PDE6C: variants seen among roughly 807,000 people sequenced by gnomAD.
PDE6C encodes the protein cone cGMP-specific 3',5'-cyclic phosphodiesterase subunit alpha'.
In PDE6C, 75 loss-of-function variants were observed where a neutral mutation model predicts 113.1. That is an observed-to-expected ratio of 0.66 (90% CI 0.55 to 0.80). The LOEUF (loss-of-function observed/expected upper bound fraction) is 0.80. Ranked by LOEUF, PDE6C falls within the 30% of genes least tolerant of loss-of-function variation. The probability of loss-of-function intolerance (pLI) is 0.00; values close to 1 mark genes in which losing one functional copy is unlikely to be tolerated. For missense variants in PDE6C, 912 were observed against 1,038.6 expected, an observed-to-expected ratio of 0.88 and a Z score of 1.67; for synonymous variants, 375 against 363.7, an observed-to-expected ratio of 1.03 and a Z score of -0.35.
At chr10:93,626,523 TA>T in intron 5 of PDE6C, 116 bp from the exon 6 acceptor site, 1 of 670,736 alleles carries the variant, frequency 1.5e-6, no homozygotes, top group Admixed American at 2.5e-5. Flanking sequence ...TGTTATAATA[TA>T]ATGTGGTTGG....
chr10:93,616,545 G>T (rs990871667), intron 1 of PDE6C, among the ~76,000 whole-genome samples: 1 of 152,092 alleles, frequency 6.6e-6, no homozygotes, highest in African/African-American at 2.4e-5. Context: ...AATGATAGCT[G>T]TGATAATATT....
intron 1 of PDE6C, among the ~76,000 whole-genome samples, chr10:93,616,773 C>T (rs957884542): frequency 6.6e-6 from 1 of 151,548 alleles, no homozygotes; most frequent in Non-Finnish European, 1.5e-5. Context: ...CCTGCCTCAG[C>T]CTCCCCAGTA....
chr10:93,643,727 G>C (rs557911282), intron 14 of PDE6C, among the ~76,000 whole-genome samples: 27 of 147,550 alleles, frequency 1.8e-4, no homozygotes, highest in Admixed American at 6.1e-4. Context: ...TAAATCATTT[G>C]TGAGTCAGCT....
intron 16 of PDE6C, among the ~76,000 whole-genome samples, chr10:93,657,328 A>ATTTTTTTTTT (rs71031526): frequency 6.8e-5 from 6 of 88,286 alleles, no homozygotes; most frequent in Non-Finnish European, 1.0e-4. Context: ...CGCCTGGCTA[A>ATTTTTTTTTT]TTTTTTTTTT....
chr10:93,614,432 G>T (rs568092886), intron 1 of PDE6C, among the ~76,000 whole-genome samples: 66 of 152,262 alleles, frequency 4.3e-4, no homozygotes, highest in Non-Finnish European at 7.2e-4. Context: ...TTTAAGCTGG[G>T]TTAAGTTTGC....
chr10:93,618,887 C>A (rs190797946), intron 1 of PDE6C, among the ~76,000 whole-genome samples: 3 of 152,246 alleles, frequency 2.0e-5, no homozygotes, highest in East Asian at 1.9e-4. Flanking sequence ...CTACGGGAAA[C>A]CAGACAGAAT....
At chr10:93,662,488 A>G (rs10882298) in intron 19 of PDE6C, 72 bp from the exon 20 acceptor site, 285,285 of 615,888 alleles carry the variant, frequency 0.46, 70,109 homozygotes, top group Non-Finnish European at 0.51. Flanking sequence ...AAAAAAAGTT[A>G]TCAGGACAAA....
chr10:93,657,587 T>C (rs547191005), intron 16 of PDE6C, among the ~76,000 whole-genome samples: 164 of 152,170 alleles, frequency 1.1e-3, no homozygotes, highest in Non-Finnish European at 2.1e-3. Flanking sequence ...AGATTTATCA[T>C]TGATAATAAA....
chr10:93,637,937 G>A (rs1012762768), intron 11 of PDE6C, among the ~76,000 whole-genome samples: 1 of 152,106 alleles, frequency 6.6e-6, no homozygotes, highest in African/African-American at 2.4e-5. Context: ...AAGAGCATTA[G>A]AGTTTCTTCT....
At chr10:93,649,845 T>C (rs1246384480) in intron 15 of PDE6C, among the ~76,000 whole-genome samples, 1 of 152,186 alleles carries the variant, frequency 6.6e-6, no homozygotes, top group Non-Finnish European at 1.5e-5. Flanking sequence ...CCTCAGGTGA[T>C]CCACCCACCT....
chr10:93,618,332 A>G (rs966045714), intron 1 of PDE6C, among the ~76,000 whole-genome samples: 3 of 152,000 alleles, frequency 2.0e-5, no homozygotes, highest in African/African-American at 7.3e-5. Flanking sequence ...TTCTATCTTC[A>G]CATCAGGAAT....
chr10:93,633,822 A>T (rs2058514786), intron 8 of PDE6C, among the ~76,000 whole-genome samples: 1 of 152,244 alleles, frequency 6.6e-6, no homozygotes, highest in Non-Finnish European at 1.5e-5. Context: ...TGTAAAGGGA[A>T]CAGTGAGGTA....
intron 15 of PDE6C, among the ~76,000 whole-genome samples, chr10:93,652,033 G>A (rs1415542909): frequency 2.0e-5 from 3 of 152,084 alleles, no homozygotes; most frequent in Non-Finnish European, 4.4e-5. Context: ...GTGTGTGTGT[G>A]TGCCTGTGTG....
At chr10:93,658,815 C>T (rs564645684) in intron 16 of PDE6C, 86 bp from the exon 17 acceptor site, 17 of 816,764 alleles carry the variant, frequency 2.1e-5, no homozygotes, top group South Asian at 8.6e-5. Flanking sequence ...AAAGTGGGAA[C>T]GTGAAATCTG....
chr10:93,639,684 G>A (rs187596416), intron 11 of PDE6C, among the ~76,000 whole-genome samples: 30 of 152,280 alleles, frequency 2.0e-4, no homozygotes, highest in Non-Finnish European at 3.5e-4. Flanking sequence ...TTAAGCAGTC[G>A]TTTACTGTTT....
chr10:93,630,161 C>A (rs1314187874), intron 8 of PDE6C, among the ~76,000 whole-genome samples: 1 of 152,042 alleles, frequency 6.6e-6, no homozygotes, highest in Non-Finnish European at 1.5e-5. Flanking sequence ...TCGGTTGTAT[C>A]CTTCCTTCTC....
At chr10:93,626,103 T>G (rs2058471919) in intron 5 of PDE6C, among the ~76,000 whole-genome samples, 1 of 152,154 alleles carries the variant, frequency 6.6e-6, no homozygotes, top group Non-Finnish European at 1.5e-5. Flanking sequence ...GGCCTCAGAT[T>G]CATCATCTGC....
Position 93,658,692 on chromosome 10 carries a change from G to C in PDE6C, c.2037-209G>C, listed in dbSNP as rs12244942. ...TCCCTCTCTCTCTCTCTCTCTCTCT[G>C]TATGGTTTGTGCTTTTTCTGCCTTA... is the stretch of plus-strand genomic sequence containing the variant. On this transcript the variant is annotated intron_variant, in intron 16 of 21. Coordinates refer to ENST00000371447, the MANE Select transcript of PDE6C (RefSeq NM_006204.4). Among the ~76,000 whole-genome samples the C allele has an allele frequency of 4.7e-3, 486 of 104,042 alleles. 2 individuals are homozygous for C. The highest frequency in any genetic ancestry group is 0.021 in the African/African-American group (463 of 22,394). 68.3% of individuals were successfully genotyped at this position (104,042 alleles called of 152,430 possible). A position where few individuals can be genotyped will look rare whatever the true frequency, so the allele number is the denominator to read the frequency against.
At chr10:93,655,521 A>G (rs2058632311) in intron 15 of PDE6C, among the ~76,000 whole-genome samples, 1 of 149,042 alleles carries the variant, frequency 6.7e-6, no homozygotes, top group Admixed American at 6.9e-5. Context: ...GGCTAACAGT[A>G]TCTATTTTTA....
Sources: gnomAD v4.1 joint callset for allele counts (sites outside exome capture counted in the v4.1 genomes callset) on GRCh38, gnomAD v4.1.1 for gene constraint, MANE v1.5 for transcripts, NCBI Gene and HGNC (gene_info 2026-07-23, HGNC 2026-07-21) for gene names.